Variants in FLG observed in about 807,000 individuals in gnomAD.
FLG encodes the protein epidermal filaggrin.
A neutral mutation model predicts 3.8 loss-of-function variants in FLG; 6 were observed. The ratio of observed to expected loss-of-function variants is 1.60; its 90% confidence interval spans 0.87 to 3.15. FLG has a LOEUF of 3.15. Among genes scored for constraint, FLG ranks in the 30% most tolerant of loss-of-function variants. The probability of loss-of-function intolerance (pLI) is 0.00; values close to 1 mark genes in which losing one functional copy is unlikely to be tolerated. For synonymous variants in FLG, 2,551 were observed against 1,931.6 expected (o/e 1.32, Z -8.41); for missense variants, 7,595 against 5,050.9 (o/e 1.50, Z -15.27).
intron 1 of FLG, among the ~76,000 whole-genome samples, chr1:152,324,596 G>A (rs1433041655): frequency 6.6e-6 from 1 of 151,810 alleles, no homozygotes; most frequent in African/African-American, 2.4e-5. Context: ...TGTCCAATCT[G>A]TGGCCCAGGA....
In FLG at chr1:152,312,198, T is replaced by G. The variant is rs149180565; in HGVS notation, c.2688A>C (p.Thr896=). 9.5e-4 allele frequency: 1,541 copies of G among 1,613,742 alleles called. 13 individuals carry two copies. The highest frequency in any genetic ancestry group is 1.3e-3 in the Middle Eastern group (8 of 6,062). ...QSGSRSASRT[T]RNEEQSRDGS... is the part of the protein sequence containing the mutation. ...CGTCTCTTGATTGTTCCTCATTACG[T>G]GTTGTTCTGCTTGCACTTCTGGATC... The change falls in exon 3 of 3, where the codon ACA becomes ACC. Residue 896 remains threonine, a synonymous_variant. Coordinates refer to ENST00000368799, the MANE Select transcript of FLG (RefSeq NM_002016.2).
Position 152,304,247 on chromosome 1 carries a change from C to G in FLG, c.10639G>C (p.Gly3547Arg), listed in dbSNP as rs1557870781. 1.2e-6 allele frequency: 2 copies of G among 1,613,172 alleles called. No individual in the cohort carries two copies. Among genetic ancestry groups the G allele is most frequent in the Non-Finnish European group, 1.7e-6 (2 of 1,179,674 alleles). ...SSVSQDSDSQ[G>R]HSEDSERWSG... ...CACCTCTCAGAGTCTTCTGAGTGTC[C>G]CTGACTGTCACTGTCCTGGCTAACA... Residue 3547 changes from glycine (G) to arginine (R), a missense_variant, in exon 3 of 3, where the codon GGA becomes CGA. Transcript: ENST00000368799.
At position 152,308,634 on chromosome 1, in the gene FLG, A is replaced by C. The variant is rs1287563408; in HGVS notation, c.6252T>G (p.Ser2084=). ...ESARGQSGES[S]GRSGSFLYQV... ...GGTAGAGGAAAGACCCTGAACGTCC[A>C]GAGCTTTCCCCTGACTGGCCACGTG... The change falls in exon 3 of 3, where the codon TCT becomes TCG. Residue 2084 remains serine, a synonymous_variant. Transcript: ENST00000368799. The C allele has an allele frequency of 1.9e-6, 3 of 1,614,020 alleles. No homozygotes were observed. The highest frequency in any genetic ancestry group is 2.5e-6 in the Non-Finnish European group (3 of 1,180,020).
rs749522726 is a variant in FLG at position 152,303,582 on chromosome 1, T to C, written c.11304A>G (p.Gly3768=). Residue 3768 remains glycine, a synonymous_variant, in exon 3 of 3, where the codon GGA becomes GGG. Transcript: ENST00000368799. ...IRGHPGSRRG[G]RQGSYHEQSV... is the part of the protein sequence containing the mutation. ...ATTGCTCGTGGTAGGATCCCTGTCTTCCTCCTCTCCTTGACCCCGGGTGTC... is the reference window on the plus strand; with the variant it reads ...ATTGCTCGTGGTAGGATCCCTGTCTCCCTCCTCTCCTTGACCCCGGGTGTC... 3 of 1,613,656 alleles carry C rather than the reference T, an allele frequency of 1.9e-6. No homozygotes were observed. The highest frequency in any genetic ancestry group is 1.7e-6 in the Non-Finnish European group (2 of 1,179,948).
chr1:152,304,570 C>T lies in FLG; in HGVS notation c.10316G>A (p.Gly3439Glu). 6 of 1,610,316 alleles carry T rather than the reference C, an allele frequency of 3.7e-6. No individual in the cohort carries two copies. Among genetic ancestry groups the T allele is most frequent in the Non-Finnish European group, 5.1e-6 (6 of 1,178,210 alleles). ...EGQDTIRGHP[G>E]SSRRGRQGSH... ...TCCCTGCCTTCCTCTTCTGCTTGAC[C>T]CCGGGTGTCCACGAATGGTGTCCTG... The change falls in exon 3 of 3, where the codon GGG becomes GAG. Residue 3439 changes from glycine to glutamate, a missense_variant. Transcript: ENST00000368799.
Position 152,309,086 on chromosome 1 carries a change from AC to A in FLG, c.5799del (p.Arg1933SerfsTer162), listed in dbSNP as rs753115579. On this transcript the variant is annotated frameshift_variant, in exon 3 of 3. Coordinates refer to ENST00000368799, the MANE Select transcript of FLG (RefSeq NM_002016.2). LOFTEE classifies it low-confidence loss of function (END_TRUNC). Reference protein sequence around the residue: ...DSQGHSEDSERWSGSASRNHL... With the variant: ...DSQGHSEDSEXWSGSASRNHL... ...TGGTTTCTGGAAGCAGACCCAGACC[AC>A]CTCTCAGAGTCTTCTGAGTGTCCCT... The A allele has an allele frequency of 2.0e-5, 33 of 1,613,750 alleles. No homozygotes were observed. The African/African-American group carries it at 4.1e-4, about 20-fold the overall frequency.
Position 152,302,927 on chromosome 1 carries a change from C to T in FLG, c.11959G>A (p.Gly3987Ser), listed in dbSNP as rs146290399. ...TGAGAGTGTCTAAACCCGGATTCAC[C>T]ATAATCATAATCTGCACTACCATAG... The part of the protein sequence containing the change: ...GSYGSADYDY[G>S]ESGFRHSQHG... The change falls in exon 3 of 3, where the codon GGT (glycine) becomes AGT (serine). Residue 3987 changes from glycine to serine, a missense_variant. Transcript: ENST00000368799. The T allele has an allele frequency of 1.6e-3, 2,515 of 1,614,160 alleles. 6 individuals are homozygous for T. The highest frequency in any genetic ancestry group is 1.6e-3 in the Non-Finnish European group (1,832 of 1,180,034).
intron 2 of FLG, chr1:152,315,079 A>G (rs1652730225): frequency 4.9e-6 from 2 of 404,206 alleles, no homozygotes; most frequent in East Asian, 8.5e-5. Context: ...ATACCAAAAT[A>G]CTAAGAACTA....
In FLG at chr1:152,302,754, A is replaced by C; in HGVS notation, c.12132T>G (p.Asp4044Glu). Residue 4044 changes from aspartate to glutamate, a missense_variant, in exon 3 of 3, where the codon GAT becomes GAG. By Grantham distance (45) the Asp-to-Glu change is conservative (BLOSUM62 2). Transcript: ENST00000368799. ...GACTAAATCCCAGTTGTTTCGATAT[A>C]TCACTAGAATGGCCACATAAACCTG... ...KDPGLCGHSS[D>E]ISKQLGFSQS... 1 of 1,614,162 alleles carries C rather than the reference A, an allele frequency of 6.2e-7. No homozygotes were observed. The highest frequency in any genetic ancestry group is 8.5e-7 in the Non-Finnish European group (1 of 1,180,024).
At position 152,305,564 on chromosome 1, in the gene FLG, C is replaced by A; in HGVS notation, c.9322G>T (p.Asp3108Tyr). Residue 3108 changes from aspartate (D) to tyrosine (Y), a missense_variant, in exon 3 of 3, where the codon GAC (aspartate) becomes TAC (tyrosine). By Grantham distance (160) the Asp-to-Tyr change is radical. Coordinates refer to ENST00000368799, the MANE Select transcript of FLG (RefSeq NM_002016.2). ...SRHSASQYGQDTIRGHPGSSR... is the reference protein window; with the variant it reads ...SRHSASQYGQYTIRGHPGSSR... ...GACCCCGGGTGTCCACGAATGGTGTCCTGACCGTATTGGGATGCTGAGTGC... is the reference window on the plus strand; with the variant it reads ...GACCCCGGGTGTCCACGAATGGTGTACTGACCGTATTGGGATGCTGAGTGC... The A allele has an allele frequency of 6.6e-7, 1 of 1,512,074 alleles. No homozygotes were observed. The highest frequency in any genetic ancestry group is 8.8e-7 in the Non-Finnish European group (1 of 1,135,700). The allele number at this position is 1,512,074 out of a possible 1,614,324, so 93.7% of individuals were successfully genotyped here.
In FLG at chr1:152,311,727, T is replaced by C. The variant is rs150190848; in HGVS notation, c.3159A>G (p.Gln1053=). Residue 1053 remains glutamine, a synonymous_variant, in exon 3 of 3, where the codon CAA becomes CAG. Coordinates refer to ENST00000368799, the MANE Select transcript of FLG (RefSeq NM_002016.2). ...CACTGTCTCTGACTGCAGATGAAGC[T>C]TGTCTGCGCGGAATGCCTGAGTGTC... ...SSRHSGIPRR[Q]ASSAVRDSGH... 7.9e-4 allele frequency: 1,280 copies of C among 1,613,962 alleles called. 13 individuals carry two copies. In the East Asian group the frequency reaches 0.023, roughly 29 times the overall value.
In FLG at chr1:152,303,525, A is replaced by G. The variant is rs1464923264; in HGVS notation, c.11361T>C (p.His3787=). ...TTCCCTGGGATGTGGTGTGGCTGTGATGGGACCCTGAGTGTCCAGACCTAT... is the reference window on the plus strand; with the variant it reads ...TTCCCTGGGATGTGGTGTGGCTGTGGTGGGACCCTGAGTGTCCAGACCTAT... The part of the protein sequence containing the change: ...SVDRSGHSGS[H]HSHTTSQGRS... The change falls in exon 3 of 3, where the codon CAT becomes CAC. Residue 3787 remains histidine, a synonymous_variant. Coordinates refer to ENST00000368799, the MANE Select transcript of FLG (RefSeq NM_002016.2). 1 of 1,613,846 alleles carries G rather than the reference A, an allele frequency of 6.2e-7. No homozygotes were observed. Among genetic ancestry groups the G allele is most frequent in the Non-Finnish European group, 8.5e-7 (1 of 1,180,008 alleles).
chr1:152,310,087 C>T lies in FLG; in HGVS notation c.4799G>A (p.Ser1600Asn). 1 of 1,614,086 alleles carries T rather than the reference C, an allele frequency of 6.2e-7. No individual in the cohort carries two copies. Among genetic ancestry groups the T allele is most frequent in the Non-Finnish European group, 8.5e-7 (1 of 1,180,014 alleles). The change falls in exon 3 of 3, where the codon AGT becomes AAT. Residue 1600 changes from serine to asparagine, a missense_variant. By Grantham distance (46) the Ser-to-Asn change is conservative. Transcript: ENST00000368799. ...QGSSVSQDRD[S>N]EGHSEDSERR... ...CTCAGAGTCTTCTGAGTGTCCCTCA[C>T]TGTCCCTGTCCTGACTAACACTGGA... is the stretch of plus-strand genomic sequence containing the variant.
chr1:152,317,062 T>C (rs904085081), intron 1 of FLG, among the ~76,000 whole-genome samples: 1 of 152,138 alleles, frequency 6.6e-6, no homozygotes, highest in African/African-American at 2.4e-5. Flanking sequence ...TAATAAACAG[T>C]CTGTGCTCCT....
Position 152,305,150 on chromosome 1 carries a change from G to A in FLG, c.9736C>T (p.Gln3246Ter). ...SRNHRGSVQE[Q>*]SRHGSRHPRS... ...GGGTGTCTGGAGCCGTGCCTTGACTGCTCCTGAACAGATCCACGATGGTTT... is the reference window on the plus strand; with the variant it reads ...GGGTGTCTGGAGCCGTGCCTTGACTACTCCTGAACAGATCCACGATGGTTT... The change falls in exon 3 of 3, where the codon CAG (glutamine) becomes TAG (stop). Residue 3246 changes from glutamine (Q) to a stop codon, truncating the protein, a stop_gained. Transcript: ENST00000368799. LOFTEE classifies it low-confidence loss of function (END_TRUNC). The A allele has an allele frequency of 1.2e-6, 2 of 1,613,906 alleles. No individual in the cohort carries two copies. Among genetic ancestry groups the A allele is most frequent in the Non-Finnish European group, 1.7e-6 (2 of 1,179,976 alleles).
At position 152,308,504 on chromosome 1, in the gene FLG, G is replaced by T. The variant is rs781013387; in HGVS notation, c.6382C>A (p.His2128Asn). ...HYDQAQDSSR[H>N]SASQEGQDTI... ...TCCTGACCCTCTTGGGATGCTGAGT[G>T]CCTGGAGCTGTCTTGTGCCTGATCA... is the stretch of plus-strand genomic sequence containing the variant. Residue 2128 changes from histidine to asparagine, a missense_variant, in exon 3 of 3, where the codon CAC (histidine) becomes AAC (asparagine). Transcript: ENST00000368799. 8 of 1,613,700 alleles carry T rather than the reference G, an allele frequency of 5.0e-6. No individual in the cohort carries two copies. The South Asian group carries it at 5.5e-5, about 11-fold the overall frequency.
Position 152,313,852 on chromosome 1 carries a change from C to A in FLG, c.1034G>T (p.Ser345Ile). ...HPRSHDEDRASHGHSADSSRQ... is the reference protein window; with the variant it reads ...HPRSHDEDRAIHGHSADSSRQ... ...GGAGCTGTCTGCAGAGTGCCCATGA[C>A]TGGCTCTGTCTTCATCATGGGACCT... The change falls in exon 3 of 3, where the codon AGT (serine) becomes ATT (isoleucine). Residue 345 changes from serine to isoleucine, a missense_variant. Physicochemically the swap from Ser to Ile is moderately radical, Grantham distance 142. Transcript: ENST00000368799. 6.2e-7 allele frequency: 1 copy of A among 1,614,174 alleles called. No homozygotes were observed. Among genetic ancestry groups the A allele is most frequent in the Non-Finnish European group, 8.5e-7 (1 of 1,180,030 alleles).
chr1:152,306,696 T>C lies in FLG; in HGVS notation c.8190A>G (p.Glu2730=). The C allele has an allele frequency of 6.4e-7, 1 of 1,571,066 alleles. No individual in the cohort carries two copies. Among genetic ancestry groups the C allele is most frequent in the Non-Finnish European group, 8.6e-7 (1 of 1,163,810 alleles). The change falls in exon 3 of 3, where the codon GAA becomes GAG. Residue 2730 remains glutamate, a synonymous_variant. Coordinates refer to ENST00000368799, the MANE Select transcript of FLG (RefSeq NM_002016.2). ...GGAAAGATCCTGAATGTCCAGACGT[T>C]TCCCCTGACCGGCCACGTGCGGACT... is the stretch of plus-strand genomic sequence containing the variant. ...HQESARGRSG[E]TSGHSGSFLY...
At chr1:152,324,097 TA>T (rs34047456) in intron 1 of FLG, among the ~76,000 whole-genome samples, 30,580 of 151,530 alleles carry the variant, frequency 0.2, 4,036 homozygotes, top group East Asian at 0.59. Flanking sequence ...TAGATTTTGG[TA>T]TGAGCAAACA....
Sources: allele counts gnomAD v4.1 joint callset (sites outside exome capture counted in the v4.1 genomes callset), GRCh38; gene constraint gnomAD v4.1.1; transcripts MANE v1.5; gene names NCBI Gene and HGNC (gene_info 2026-07-23, HGNC 2026-07-21).